THBS1: variants seen among roughly 807,000 people sequenced by gnomAD.
THBS1 encodes thrombospondin 1.
A neutral mutation model predicts 126.1 loss-of-function variants in THBS1; 29 were observed. That is an observed-to-expected ratio of 0.23 (90% CI 0.17 to 0.31). The LOEUF (loss-of-function observed/expected upper bound fraction) is 0.31. Among genes scored for constraint, THBS1 ranks in the 10% least tolerant of loss-of-function variants. THBS1 has a pLI of 1.00. For synonymous variants in THBS1, 496 were observed against 577.8 expected (o/e 0.86, Z 2.03); for missense variants, 1,198 against 1,545.2 (o/e 0.78, Z 3.77).
chr15:39,593,273 G>T lies in THBS1; in HGVS notation c.2995+46G>T. On this transcript the variant is annotated intron_variant, in intron 18 of 21. Coordinates refer to ENST00000260356, the MANE Select transcript of THBS1 (RefSeq NM_003246.4). The surrounding 1 kb of genome is among the most constrained non-coding windows in gnomAD (Gnocchi z 5.9). ...TCCTAAGAGACTGATGCATACATGGGGAAAAACAAATATAAAACCTGGCAG... is the reference window on the plus strand; with the variant it reads ...TCCTAAGAGACTGATGCATACATGGTGAAAAACAAATATAAAACCTGGCAG... 1 of 1,611,148 alleles carries T rather than the reference G, an allele frequency of 6.2e-7. No homozygotes were observed. Among genetic ancestry groups the T allele is most frequent in the South Asian group, 1.1e-5 (1 of 91,004 alleles).
Position 39,593,598 on chromosome 15 carries a change from T to C in THBS1, c.3197T>C (p.Val1066Ala), listed in dbSNP as rs774463017. 7 of 1,614,040 alleles carry C rather than the reference T, an allele frequency of 4.3e-6. No individual in the cohort carries two copies. In the Admixed American group the frequency reaches 1.0e-4, roughly 23 times the overall value. Residue 1066 changes from valine to alanine, a missense_variant, in exon 19 of 22, where the codon GTA becomes GCA. Coordinates refer to ENST00000260356, the MANE Select transcript of THBS1 (RefSeq NM_003246.4). The surrounding 1 kb of genome is among the most constrained non-coding windows in gnomAD (Gnocchi z 5.9). ...TACTCGGGCCTTTCTGTGAAAGTTG[T>C]AAACTCCACCACAGGGCCTGGCGAG... ...QGYSGLSVKV[V>A]NSTTGPGEHL... is the part of the protein sequence containing the mutation.
rs750175796 is a variant in THBS1, at chr15:39,587,329, C to T, written c.1121-18C>T. ...TCCTAATCATCACGTACCTGATGAACCTCTGTTTCCCCTGCAGCCAGCGAC... is the reference window on the plus strand; with the variant it reads ...TCCTAATCATCACGTACCTGATGAATCTCTGTTTCCCCTGCAGCCAGCGAC... On this transcript the variant is annotated intron_variant, in intron 7 of 21. Coordinates refer to ENST00000260356, the MANE Select transcript of THBS1 (RefSeq NM_003246.4). 6.2e-7 allele frequency: 1 copy of T among 1,602,980 alleles called. No homozygotes were observed. Among genetic ancestry groups the T allele is most frequent in the Non-Finnish European group, 8.5e-7 (1 of 1,172,914 alleles).
Position 39,590,002 on chromosome 15 carries a change from T to A in THBS1, c.2124T>A (p.Asn708Lys), listed in dbSNP as rs61757229. Residue 708 changes from asparagine to lysine, a missense_variant, in exon 13 of 22, where the codon AAT becomes AAA. Asn to Lys is a moderately conservative substitution (Grantham distance 94, BLOSUM62 0). Transcript: ENST00000260356. ...WPNENLVCVA[N>K]ATYHCKKDNC... ...ATGAGAACCTGGTGTGCGTGGCCAA[T>A]GCGACTTACCACTGCAAAAAGGTAG... 633 of 1,608,222 alleles carry A rather than the reference T, an allele frequency of 3.9e-4. 1 individual carries two copies. The highest frequency in any genetic ancestry group is 3.8e-4 in the Non-Finnish European group (450 of 1,177,118).
In THBS1 at chr15:39,589,708, C is replaced by G. The variant is rs1433235267; in HGVS notation, c.1927-97C>G. 1.5e-6 allele frequency: 2 copies of G among 1,301,464 alleles called. No homozygotes were observed. The highest frequency in any genetic ancestry group is 2.1e-6 in the Non-Finnish European group (2 of 968,064). 80.6% of individuals were successfully genotyped at this position (1,301,464 alleles called of 1,614,324 possible). On this transcript the variant is annotated intron_variant, in intron 12 of 21. Coordinates refer to ENST00000260356, the MANE Select transcript of THBS1 (RefSeq NM_003246.4). This position sits in a 1 kb window ranked among gnomAD's most constrained non-coding sequence, Gnocchi z 4.7. ...ACCCACACTCTTCCAAATGGAGCCT[C>G]TGTCTACTCAGAGATGACAGGGATC...
At chr15:39,590,396 T>A (rs1890303911) in intron 13 of THBS1, 120 bp from the exon 14 acceptor site, 1 of 728,802 alleles carries the variant, frequency 1.4e-6, no homozygotes, top group African/African-American at 1.8e-5. Context: ...AAAAAAAATA[T>A]GCTGTTACTG....
At position 39,598,759 on chromosome 15, in the gene THBS1, G is replaced by A. The variant is rs1055908618; in HGVS notation, c.*3390G>A. 6.6e-6 allele frequency: 1 copy of A among 151,810 alleles called. No homozygotes were observed. Among genetic ancestry groups the A allele is most frequent in the Admixed American group, 6.6e-5 (1 of 15,262 alleles). The allele number at this position is 151,810 out of a possible 1,614,324, so 9.4% of individuals were successfully genotyped here. On this transcript the variant is annotated 3_prime_UTR_variant, in exon 22 of 22. Transcript: ENST00000260356. Reference sequence around the variant, plus strand: ...ATTGTCATGTGTTGTGGGAGAGCTCGAGTGAAGAGCAATAAACTCCAGGTC... The same window carrying A: ...ATTGTCATGTGTTGTGGGAGAGCTCAAGTGAAGAGCAATAAACTCCAGGTC...
rs374670679 is a variant in THBS1, at chr15:39,582,434, G to A, written c.309G>A (p.Thr103=). ...GGCAGATGAAGAAGACCCGGGGCAC[G>A]CTGCTGGCCCTGGAGCGGAAAGACC... ...SLRQMKKTRG[T]LLALERKDHS... The change falls in exon 3 of 22, where the codon ACG becomes ACA. Residue 103 remains threonine (T), a synonymous_variant. Transcript: ENST00000260356. The A allele has an allele frequency of 3.8e-5, 62 of 1,613,966 alleles. No individual in the cohort carries two copies. Among genetic ancestry groups the A allele is most frequent in the South Asian group, 5.5e-5 (5 of 91,082 alleles).
In THBS1 at chr15:39,589,439, TACCCTTC is replaced by T; in HGVS notation, c.1926+89_1926+95del. The stretch of plus-strand genomic sequence containing the variant: ...TGGGAGCGGGAGGAATGTAATTTCA[TACCCTTC>T]ACCAAAAAAAAAAGGGCGAGGAGAT... On this transcript the variant is annotated intron_variant, in intron 12 of 21. Transcript: ENST00000260356. This position sits in a 1 kb window ranked among gnomAD's most constrained non-coding sequence, Gnocchi z 4.7. 1 of 1,516,400 alleles carries T rather than the reference TACCCTTC, an allele frequency of 6.6e-7. No individual in the cohort carries two copies. Among genetic ancestry groups the T allele is most frequent in the Admixed American group, 2.0e-5 (1 of 50,222 alleles). 93.9% of individuals were successfully genotyped at this position (1,516,400 alleles called of 1,614,324 possible).
chr15:39,590,685 G>C (rs1890310239), intron 14 of THBS1, 62 bp downstream of exon 14: 4 of 1,386,892 alleles, frequency 2.9e-6, no homozygotes, highest in Non-Finnish European at 4.1e-6. Context: ...GAAACACTTT[G>C]GGATTCAAGG....
chr15:39,586,129 T>C (rs555522789), intron 7 of THBS1, among the ~76,000 whole-genome samples: 1 of 152,278 alleles, frequency 6.6e-6, no homozygotes, highest in African/African-American at 2.4e-5. Context: ...GCTGAGACAA[T>C]ACTTAGTGTA....
Position 39,582,017 on chromosome 15 carries a change from T to C in THBS1, c.67+93T>C, listed in dbSNP as rs888028518. Reference sequence around the variant, plus strand: ...CCCCTCACGTGCTGTCCTCTCCCTCTTGAGCCTGACTGGACATCAGGACGC... The same window carrying C: ...CCCCTCACGTGCTGTCCTCTCCCTCCTGAGCCTGACTGGACATCAGGACGC... On this transcript the variant is annotated intron_variant, in intron 2 of 21. Coordinates refer to ENST00000260356, the MANE Select transcript of THBS1 (RefSeq NM_003246.4). The C allele has an allele frequency of 4.2e-6, 6 of 1,438,258 alleles. No individual in the cohort carries two copies. In the Middle Eastern group the frequency reaches 5.3e-4, roughly 126 times the overall value. 89.1% of individuals were successfully genotyped at this position (1,438,258 alleles called of 1,614,324 possible). A position where few individuals can be genotyped will look rare whatever the true frequency, so the allele number is the denominator to read the frequency against.
intron 13 of THBS1, among the ~76,000 whole-genome samples, chr15:39,590,242 C>T (rs759826745): frequency 6.6e-6 from 1 of 152,128 alleles, no homozygotes; most frequent in Non-Finnish European, 1.5e-5. Context: ...ATAGTCAACT[C>T]TTCTGTCCAA....
At chr15:39,582,788 C>T (rs1890138338) in intron 3 of THBS1, 36 bp downstream of exon 3, 1 of 1,567,958 alleles carries the variant, frequency 6.4e-7, no homozygotes, top group African/African-American at 1.3e-5. Flanking sequence ...TCCGTGGGAT[C>T]ATCTGCTAGA....
chr15:39,582,150 C>G, intron 2 of THBS1, 43 bp from the exon 3 acceptor site: 1 of 1,546,728 alleles, frequency 6.5e-7, no homozygotes, highest in South Asian at 1.3e-5. Flanking sequence ...TACTGCTGGT[C>G]CCAGCCTAGA....
In THBS1 at chr15:39,587,511, G is replaced by A; in HGVS notation, c.1285G>A (p.Asp429Asn). ...ACGGACCTGCCACATTCAGGAGTGT[G>A]ACAAGAGATGTAAGCATCTTAGCCT... is the stretch of plus-strand genomic sequence containing the variant. ...QTRTCHIQEC[D>N]KRFKQDGGWS... The change falls in exon 8 of 22, where the codon GAC (aspartate) becomes AAC (asparagine). Residue 429 changes from aspartate to asparagine, a missense_variant. Physicochemically the swap from Asp to Asn is conservative, Grantham distance 23. Transcript: ENST00000260356. The A allele has an allele frequency of 6.2e-7, 1 of 1,612,330 alleles. No individual in the cohort carries two copies. Among genetic ancestry groups the A allele is most frequent in the Non-Finnish European group, 8.5e-7 (1 of 1,178,898 alleles).
chr15:39,584,801 AG>A (rs1452964782), intron 6 of THBS1, among the ~76,000 whole-genome samples: 1 of 152,042 alleles, frequency 6.6e-6, no homozygotes, highest in African/African-American at 2.4e-5. Flanking sequence ...TTAGTACAGT[AG>A]CAATTGTTTT....
intron 1 of THBS1, 59 bp from the exon 2 acceptor site, chr15:39,581,770 C>T (rs1595505590): frequency 6.1e-6 from 7 of 1,150,588 alleles, no homozygotes; most frequent in African/African-American, 4.5e-5. Context: ...CGTTTCTGCG[C>T]ACCGTCCCTC....
chr15:39,591,882 C>A (rs1890335041), intron 16 of THBS1, among the ~76,000 whole-genome samples: 1 of 152,198 alleles, frequency 6.6e-6, no homozygotes, highest in Admixed American at 6.5e-5. Context: ...ACTTGCTCAG[C>A]ATCGTCTACC....
rs1250642036 is a variant in THBS1, at chr15:39,588,955, T to C, written c.1646-4T>C. ...CTGTGACTGTCTCTCTCTCCTTGTC[T>C]CAGATGGATGCCTGTCCAATCCCTG... On this transcript the variant is annotated splice_polypyrimidine_tract_variant and splice_region_variant and intron_variant, in intron 10 of 21. Transcript: ENST00000260356. 6.2e-7 allele frequency: 1 copy of C among 1,614,048 alleles called. No individual in the cohort carries two copies. The highest frequency in any genetic ancestry group is 8.5e-7 in the Non-Finnish European group (1 of 1,180,038).
Sources: gnomAD v4.1 joint callset for allele counts (sites outside exome capture counted in the v4.1 genomes callset) on GRCh38, gnomAD v4.1.1 for gene constraint, Gnocchi (gnomAD v3.1) non-coding constraint, MANE v1.5 for transcripts, NCBI Gene and HGNC (gene_info 2026-07-23, HGNC 2026-07-21) for gene names.